The following CACNA2D3 variants were observed in gnomAD, a reference collection of about 807,000 sequenced individuals.
The protein encoded by CACNA2D3 is voltage-dependent calcium channel subunit alpha-2/delta-3.
Under a neutral mutation model 160.6 loss-of-function variants are expected in CACNA2D3, and 60 were observed. The observed-to-expected ratio is 0.37, with a 90% CI of 0.30 to 0.46. CACNA2D3 has a LOEUF of 0.46. CACNA2D3 is among the 20% of genes least tolerant of loss of function. CACNA2D3 has a pLI of 1.00. For synonymous variants in CACNA2D3, 558 were observed against 492.9 expected, an observed-to-expected ratio of 1.13 and a Z score of -1.75; for missense variants, 1,205 against 1,365.0, an observed-to-expected ratio of 0.88 and a Z score of 1.85.
At chr3:54,969,953 A>G in intron 29 of CACNA2D3, 109 bp downstream of exon 29, 1 of 807,480 alleles carries the variant, frequency 1.2e-6, no homozygotes. Flanking sequence ...GACGCATTGT[A>G]CTGGGCCAAT....
chr3:54,402,709 A>G (rs1699491845), intron 4 of CACNA2D3, among the ~76,000 whole-genome samples: 1 of 152,144 alleles, frequency 6.6e-6, no homozygotes, highest in Non-Finnish European at 1.5e-5. Flanking sequence ...ACTTTCAACA[A>G]TGGACAGATC....
chr3:54,899,705 G>T, intron 26 of CACNA2D3, 83 bp from the exon 27 acceptor site: 1 of 1,030,276 alleles, frequency 9.7e-7, no homozygotes, highest in South Asian at 1.4e-5. Context: ...CAGAATTGGT[G>T]ACTGTAGACC....
chr3:54,236,094 G>A (rs894318404), intron 2 of CACNA2D3, among the ~76,000 whole-genome samples: 19 of 152,152 alleles, frequency 1.2e-4, no homozygotes, highest in Non-Finnish European at 2.4e-4. Context: ...ACCATCAGAC[G>A]ATTCCCATTT....
intron 11 of CACNA2D3, among the ~76,000 whole-genome samples, chr3:54,645,624 G>A (rs1699618792): frequency 6.6e-6 from 1 of 152,102 alleles, no homozygotes; most frequent in Non-Finnish European, 1.5e-5. Context: ...TGCTCTAGGG[G>A]AACAGGTACT....
chr3:54,257,586 G>A (rs1702322255), intron 2 of CACNA2D3, among the ~76,000 whole-genome samples: 1 of 152,028 alleles, frequency 6.6e-6, no homozygotes, highest in African/African-American at 2.4e-5. Flanking sequence ...CAGAGAGGAT[G>A]GTTTTCTTCT....
intron 2 of CACNA2D3, among the ~76,000 whole-genome samples, chr3:54,152,723 A>C (rs1700174671): frequency 6.6e-6 from 1 of 152,250 alleles, no homozygotes; most frequent in Non-Finnish European, 1.5e-5. Flanking sequence ...AGAAATATTT[A>C]AGAGACATTT....
Position 54,879,428 on chromosome 3 carries a change from T to A in CACNA2D3, c.1844+17T>A. 1 of 1,553,028 alleles carries A rather than the reference T, an allele frequency of 6.4e-7. No individual in the cohort carries two copies. The highest frequency in any genetic ancestry group is 8.9e-7 in the Non-Finnish European group (1 of 1,128,904). ...TCCTTTCAGGTAGAGCTGACCATAATACATGGACATTCCATCAGACCCATC... is the reference window on the plus strand; with the variant it reads ...TCCTTTCAGGTAGAGCTGACCATAAAACATGGACATTCCATCAGACCCATC... On this transcript the variant is annotated intron_variant, in intron 20 of 37. Coordinates refer to ENST00000474759, the MANE Select transcript of CACNA2D3 (RefSeq NM_018398.3).
At position 54,940,713 on chromosome 3, in the gene CACNA2D3, C is replaced by T. The variant is rs575566746; in HGVS notation, c.2450-27737C>T. Among the ~76,000 whole-genome samples the T allele has an allele frequency of 4.6e-5, 7 of 152,280 alleles. No homozygotes were observed. The East Asian group carries it at 1.4e-3, about 29-fold the overall frequency. On this transcript the variant is annotated intron_variant, in intron 27 of 37. Transcript: ENST00000474759. ...GGCTGTTGTATGAAAAGTCTTTGTA[C>T]TCTGGACGTTCCTTTTGCATTTATT...
At chr3:54,708,973 T>C (rs1403507234) in intron 11 of CACNA2D3, among the ~76,000 whole-genome samples, 1 of 152,018 alleles carries the variant, frequency 6.6e-6, no homozygotes, top group South Asian at 2.1e-4. Flanking sequence ...TTACATCTGC[T>C]TATCAACCCT....
intron 11 of CACNA2D3, among the ~76,000 whole-genome samples, chr3:54,749,809 A>C (rs1457822682): frequency 6.6e-6 from 1 of 152,214 alleles, no homozygotes; most frequent in African/African-American, 2.4e-5. Flanking sequence ...ATCAGTGGAA[A>C]TATTGAACAT....
chr3:54,610,002 C>T (rs1263413599), intron 9 of CACNA2D3, among the ~76,000 whole-genome samples: 1 of 152,114 alleles, frequency 6.6e-6, no homozygotes, highest in Non-Finnish European at 1.5e-5. Flanking sequence ...AGATTCCTTC[C>T]TTGCCTCTTC....
chr3:54,250,691 C>T lies in CACNA2D3; in HGVS notation c.205-69751C>T, dbSNP rs189309665. On this transcript the variant is annotated intron_variant, in intron 2 of 37. Coordinates refer to ENST00000474759, the MANE Select transcript of CACNA2D3 (RefSeq NM_018398.3). ...GCTCAAGCAGTCTTCCCTCCGTCATCGCCCAAAGTGCTTGGCTTACGTAAA... is the reference window on the plus strand; with the variant it reads ...GCTCAAGCAGTCTTCCCTCCGTCATTGCCCAAAGTGCTTGGCTTACGTAAA... Among the ~76,000 whole-genome samples, 267 of 152,182 alleles carry T rather than the reference C, an allele frequency of 1.8e-3. 2 individuals carry two copies. Among genetic ancestry groups the T allele is most frequent in the African/African-American group, 6.1e-3 (254 of 41,504 alleles).
chr3:54,701,990 A>G (rs1434717814), intron 11 of CACNA2D3, among the ~76,000 whole-genome samples: 1 of 152,180 alleles, frequency 6.6e-6, no homozygotes, highest in Non-Finnish European at 1.5e-5. Flanking sequence ...CCAAGTCAAC[A>G]ATAACAAGCA....
chr3:54,533,008 G>A (rs1267081858), intron 5 of CACNA2D3, among the ~76,000 whole-genome samples: 4 of 152,062 alleles, frequency 2.6e-5, no homozygotes, highest in Middle Eastern at 3.2e-3. Flanking sequence ...AGTGTAAGAC[G>A]GTATCACATT....
intron 24 of CACNA2D3, among the ~76,000 whole-genome samples, chr3:54,890,495 CAAAAAAAAAA>C (rs34740812): frequency 6.6e-5 from 4 of 60,846 alleles, no homozygotes; most frequent in South Asian, 6.4e-4. Flanking sequence ...GACTCCGTCT[CAAAAAAAAAA>C]AAAAAAAAAG....
chr3:54,555,390 T>C (rs1303172603), intron 5 of CACNA2D3, among the ~76,000 whole-genome samples: 1 of 152,082 alleles, frequency 6.6e-6, no homozygotes, highest in African/African-American at 2.4e-5. Context: ...GCAAAACTAA[T>C]CTGGAAAGGT....
At position 54,363,199 on chromosome 3, in the gene CACNA2D3, A is replaced by G. The variant is rs566997176; in HGVS notation, c.322-23516A>G. ...ATAGAGCGAGACTCCATCTCCAAAT[A>G]TATATATATGAGAATGTGCAACATC... is the stretch of plus-strand genomic sequence containing the variant. On this transcript the variant is annotated intron_variant, in intron 3 of 37. Coordinates refer to ENST00000474759, the MANE Select transcript of CACNA2D3 (RefSeq NM_018398.3). 7.4e-4 allele frequency among the ~76,000 whole-genome samples: 113 copies of G among 152,142 alleles called. 1 individual carries two copies. Among genetic ancestry groups the G allele is most frequent in the Non-Finnish European group, 1.5e-3 (102 of 68,004 alleles).
intron 10 of CACNA2D3, among the ~76,000 whole-genome samples, chr3:54,640,345 G>A (rs1699487974): frequency 6.6e-6 from 1 of 152,228 alleles, no homozygotes; most frequent in Non-Finnish European, 1.5e-5. Flanking sequence ...TTTACTTACT[G>A]AAGGTTGAAG....
At chr3:54,885,408 A>G (rs1367965372) in intron 22 of CACNA2D3, 81 bp from the exon 23 acceptor site, 2 of 1,600,850 alleles carry the variant, frequency 1.2e-6, no homozygotes, top group Admixed American at 3.3e-5. Flanking sequence ...TCCCTTGCCC[A>G]GTTTTCCTGA....
Sources: gnomAD v4.1 joint callset for allele counts (sites outside exome capture counted in the v4.1 genomes callset) on GRCh38, gnomAD v4.1.1 for gene constraint, MANE v1.5 for transcripts, NCBI Gene and HGNC (gene_info 2026-07-23, HGNC 2026-07-21) for gene names.